Variants in MEIKIN observed in about 807,000 individuals in gnomAD.
The protein encoded by MEIKIN is meiosis-specific kinetochore protein.
chr5:131,835,198 G>GTGTGTGTATATATATGTGTA (rs1458270741), intron 11 of MEIKIN, among the ~76,000 whole-genome samples: 4 of 150,048 alleles, frequency 2.7e-5, no homozygotes, highest in African/African-American at 9.9e-5. Context: ...ATGTGTGTGT[G>GTGTGTGTATATATATGTGTA]TATATATATG....
chr5:131,891,860 T>C (rs1440573515), intron 8 of MEIKIN, among the ~76,000 whole-genome samples: 3 of 152,230 alleles, frequency 2.0e-5, no homozygotes, highest in African/African-American at 7.2e-5. Context: ...GTACCGGTTG[T>C]TCTTTTCCGT....
intron 8 of MEIKIN, among the ~76,000 whole-genome samples, chr5:131,896,174 G>A (rs1317026560): frequency 6.6e-5 from 10 of 152,180 alleles, no homozygotes; most frequent in Non-Finnish European, 1.5e-4. Flanking sequence ...AGGTTGTTCA[G>A]TTTCCATGTA....
In MEIKIN at chr5:131,911,865, G is replaced by C. The variant is rs900627838; in HGVS notation, c.653C>G (p.Ala218Gly). Residue 218 changes from alanine to glycine, a missense_variant, in exon 8 of 13, where the codon GCA (alanine) becomes GGA (glycine). Physicochemically the swap from Ala to Gly is moderately conservative, Grantham distance 60 (BLOSUM62 0). Transcript: ENST00000442687. ...TGCTTTTGGAGAAACATTTTGATCT[G>C]CTACTGTCATCACTCTATAACAAGA... ...KCHRKTVMTV[A>G]DQNVSPKAKC... 4 of 397,568 alleles carry C rather than the reference G, an allele frequency of 1.0e-5. No homozygotes were observed. The highest frequency in any genetic ancestry group is 1.8e-5 in the Non-Finnish European group (4 of 225,168). The allele number at this position is 397,568 out of a possible 1,614,324, so 24.6% of individuals were successfully genotyped here.
chr5:131,821,720 A>T (rs1749510221), intron 11 of MEIKIN, among the ~76,000 whole-genome samples: 1 of 136,274 alleles, frequency 7.3e-6, no homozygotes. Flanking sequence ...AACACAGCTC[A>T]CCGCAGCCTT....
At chr5:131,932,496 A>G (rs1003171817) in intron 5 of MEIKIN, among the ~76,000 whole-genome samples, 9 of 151,744 alleles carry the variant, frequency 5.9e-5, no homozygotes, top group African/African-American at 1.5e-4. Context: ...GTGCAAGAAG[A>G]CAAGCTCAAC....
At chr5:131,859,641 T>A (rs1343665345) in intron 9 of MEIKIN, among the ~76,000 whole-genome samples, 2 of 152,212 alleles carry the variant, frequency 1.3e-5, no homozygotes, top group Non-Finnish European at 2.9e-5. Flanking sequence ...CTGTACAAGC[T>A]GCAGAACTGT....
rs1302500640 is a variant in MEIKIN at position 131,923,185 on chromosome 5, GT to G, written c.479-1245del. On this transcript the variant is annotated intron_variant, in intron 5 of 12. Transcript: ENST00000442687. ...TTACAGGTGTGTGCTACCACTCCTG[GT>G]CCCTCTATATTTTTAAATCTATTTA... Among the ~76,000 whole-genome samples the G allele has an allele frequency of 3.3e-5, 5 of 152,232 alleles. No individual in the cohort carries two copies. In the East Asian group the frequency reaches 9.6e-4, roughly 29 times the overall value.
At chr5:131,807,745 T>G (rs1772872605) in intron 12 of MEIKIN, among the ~76,000 whole-genome samples, 1 of 152,244 alleles carries the variant, frequency 6.6e-6, no homozygotes, top group African/African-American at 2.4e-5. Context: ...TGCCCCCACA[T>G]CTTGTGCCAA....
chr5:131,914,198 A>T (rs1334937582), intron 7 of MEIKIN, among the ~76,000 whole-genome samples: 1 of 152,008 alleles, frequency 6.6e-6, no homozygotes, highest in Non-Finnish European at 1.5e-5. Flanking sequence ...CCTTGGCCTT[A>T]GAATTCTTAG....
intron 9 of MEIKIN, among the ~76,000 whole-genome samples, chr5:131,873,988 C>G (rs577374467): frequency 3.3e-5 from 5 of 152,132 alleles, no homozygotes; most frequent in Non-Finnish European, 7.4e-5. Flanking sequence ...GGGACATATT[C>G]AAAGCAGTGT....
intron 8 of MEIKIN, among the ~76,000 whole-genome samples, chr5:131,906,201 G>A (rs1280138332): frequency 6.6e-6 from 1 of 152,100 alleles, no homozygotes; most frequent in Non-Finnish European, 1.5e-5. Flanking sequence ...ATTAAAAAGT[G>A]GGCAAAGGAC....
At chr5:131,884,174 G>C (rs1390500138) in intron 8 of MEIKIN, among the ~76,000 whole-genome samples, 1 of 152,072 alleles carries the variant, frequency 6.6e-6, no homozygotes, top group Non-Finnish European at 1.5e-5. Context: ...GGGTGGTGTC[G>C]GGGAGCGGGG....
chr5:131,915,342 C>T (rs925878421), intron 7 of MEIKIN, among the ~76,000 whole-genome samples: 2 of 152,086 alleles, frequency 1.3e-5, no homozygotes, highest in African/African-American at 4.8e-5. Flanking sequence ...GAGCCCAGAC[C>T]AGGTATAGAA....
At chr5:131,924,264 T>A (rs1005966915) in intron 5 of MEIKIN, among the ~76,000 whole-genome samples, 3 of 152,224 alleles carry the variant, frequency 2.0e-5, no homozygotes, top group Non-Finnish European at 4.4e-5. Context: ...TCTCGGCTAC[T>A]GTGAATAATG....
intron 11 of MEIKIN, among the ~76,000 whole-genome samples, chr5:131,841,569 T>C (rs1467922355): frequency 6.6e-6 from 1 of 152,220 alleles, no homozygotes. Flanking sequence ...GCTTTGGCTA[T>C]TTGAAATCTT....
chr5:131,865,115 A>G (rs1750360482), intron 9 of MEIKIN, among the ~76,000 whole-genome samples: 1 of 151,352 alleles, frequency 6.6e-6, no homozygotes, highest in Non-Finnish European at 1.5e-5. Flanking sequence ...TCTCATTTGT[A>G]TCCTGAATTT....
chr5:131,910,723 C>T (rs1393976452), intron 8 of MEIKIN, among the ~76,000 whole-genome samples: 1 of 151,178 alleles, frequency 6.6e-6, no homozygotes, highest in Non-Finnish European at 1.5e-5. Context: ...TCTATGTATC[C>T]ACAAATATTA....
At chr5:131,935,267 CAAAAAAA>C (rs749135114) in intron 4 of MEIKIN, among the ~76,000 whole-genome samples, 5 of 36,628 alleles carry the variant, frequency 1.4e-4, no homozygotes, top group African/African-American at 3.8e-4. Flanking sequence ...CCCGTCTCTA[CAAAAAAA>C]AAAAAAAAAA....
chr5:131,828,468 A>G (rs747044229), intron 11 of MEIKIN, among the ~76,000 whole-genome samples: 9 of 152,152 alleles, frequency 5.9e-5, no homozygotes, highest in Non-Finnish European at 1.0e-4. Context: ...CTGGCCTAAT[A>G]TAAGATTTGG....
Sources: allele counts gnomAD v4.1 joint callset (sites outside exome capture counted in the v4.1 genomes callset), GRCh38; gene constraint gnomAD v4.1.1; transcripts MANE v1.5; gene names NCBI Gene and HGNC (gene_info 2026-07-23, HGNC 2026-07-21).